The following MPP3 variants were observed in gnomAD, a reference collection of about 807,000 sequenced individuals.
MPP3 encodes MAGUK p55 subfamily member 3.
MPP3 carries 48 observed loss-of-function variants against 80.7 expected under a neutral mutation model. The observed-to-expected ratio is 0.59, with a 90% CI of 0.47 to 0.76. The LOEUF is 0.76. Ranked by LOEUF, MPP3 falls within the 30% of genes least tolerant of loss-of-function variation. The probability of loss-of-function intolerance (pLI) is 0.00; values close to 1 mark genes in which losing one functional copy is unlikely to be tolerated. For missense variants in MPP3, 620 were observed against 763.0 expected, an observed-to-expected ratio of 0.81 and a Z score of 2.21; for synonymous variants, 311 against 297.6, an observed-to-expected ratio of 1.04 and a Z score of -0.46.
rs1004613329 is a variant in MPP3 at position 43,832,203 on chromosome 17, G to A, written c.-37-260C>T. 8.1e-6 allele frequency: 4 copies of A among 492,826 alleles called. No homozygotes were observed. In the African/African-American group the frequency reaches 8.1e-5, roughly 10 times the overall value. The allele number at this position is 492,826 out of a possible 1,614,324, so 30.5% of individuals were successfully genotyped here. ...AAAGTCCTGAGAAATGACTGCGAAT[G>A]TTCCCATTTTATTGATGAAGAAACA... On this transcript the variant is annotated intron_variant, in intron 2 of 19. Coordinates refer to ENST00000398389, the MANE Select transcript of MPP3 (RefSeq NM_001932.6).
intron 19 of MPP3, among the ~76,000 whole-genome samples, chr17:43,806,272 T>C (rs1013493669): frequency 6.6e-6 from 1 of 152,150 alleles, no homozygotes; most frequent in Non-Finnish European, 1.5e-5. Flanking sequence ...TTCAAGTGAT[T>C]TTCCTGCCTC....
chr17:43,810,346 C>G (rs547499124), intron 18 of MPP3, among the ~76,000 whole-genome samples: 1 of 152,200 alleles, frequency 6.6e-6, no homozygotes, highest in Admixed American at 6.5e-5. Context: ...TGTCTCCCTC[C>G]CTCTTTTTCC....
intron 19 of MPP3, among the ~76,000 whole-genome samples, chr17:43,804,792 G>A (rs993419774): frequency 4.6e-5 from 7 of 152,322 alleles, no homozygotes; most frequent in Non-Finnish European, 7.4e-5. Flanking sequence ...CGAGGCAGGT[G>A]GATCACCCAG....
chr17:43,811,331 A>C, intron 16 of MPP3, 126 bp from the exon 17 acceptor site: 1 of 695,620 alleles, frequency 1.4e-6, no homozygotes. Flanking sequence ...CTTCCACCTC[A>C]TTGCATGTCC....
intron 13 of MPP3, among the ~76,000 whole-genome samples, 190 bp downstream of exon 13, chr17:43,816,487 G>A (rs1012769710): frequency 1.3e-5 from 2 of 152,226 alleles, no homozygotes; most frequent in African/African-American, 2.4e-5. Flanking sequence ...CTAAGGCCTT[G>A]AACCCTGTCC....
intron 13 of MPP3, 61 bp from the exon 14 acceptor site, chr17:43,816,140 C>T (rs961481231): frequency 7.0e-7 from 1 of 1,431,248 alleles, no homozygotes; most frequent in Non-Finnish European, 9.3e-7. Flanking sequence ...CGGCCCAGGG[C>T]ACCCAGCCCC....
At chr17:43,816,718 A>C in intron 12 of MPP3, 21 bp from the exon 13 acceptor site, 1 of 1,570,618 alleles carries the variant, frequency 6.4e-7, no homozygotes, top group Non-Finnish European at 8.6e-7. Flanking sequence ...CACAAAAGAC[A>C]GATGGAACAG....
In MPP3 at chr17:43,801,695, A is replaced by G. The variant is rs1368434857; in HGVS notation, c.*6T>C. The G allele has an allele frequency of 3.7e-6, 6 of 1,613,950 alleles. No individual in the cohort carries two copies. The highest frequency in any genetic ancestry group is 5.1e-6 in the Non-Finnish European group (6 of 1,179,898). On this transcript the variant is annotated 3_prime_UTR_variant, in exon 20 of 20. Coordinates refer to ENST00000398389, the MANE Select transcript of MPP3 (RefSeq NM_001932.6). The stretch of plus-strand genomic sequence containing the variant: ...TCCCGTCCAGCTTGGATGTTCTGGG[A>G]TAAAGTTACCTGACCCAACTAACAG...
At chr17:43,831,704 A>C (rs1053766347) in intron 3 of MPP3, 27 bp from the exon 4 acceptor site, 13 of 1,576,362 alleles carry the variant, frequency 8.2e-6, no homozygotes, top group Non-Finnish European at 8.7e-6. Context: ...AAAACAAAGG[A>C]TAGCAAACGC....
Position 43,801,607 on chromosome 17 carries a change from C to G in MPP3, c.*94G>C. The G allele has an allele frequency of 8.2e-7, 1 of 1,220,020 alleles. No homozygotes were observed. The highest frequency in any genetic ancestry group is 1.3e-5 in the South Asian group (1 of 76,138). The allele number at this position is 1,220,020 out of a possible 1,614,324, so 75.6% of individuals were successfully genotyped here. Reference sequence around the variant, plus strand: ...ATGGAATTTGTGGAGAATTCTCTCCCTCTCTGCGCTTGAGATTCCTTGATG... The same window carrying G: ...ATGGAATTTGTGGAGAATTCTCTCCGTCTCTGCGCTTGAGATTCCTTGATG... On this transcript the variant is annotated 3_prime_UTR_variant, in exon 20 of 20. Transcript: ENST00000398389.
In MPP3 at chr17:43,810,809, C is replaced by T. The variant is rs763347669; in HGVS notation, c.1456G>A (p.Glu486Lys). The T allele has an allele frequency of 6.2e-7, 1 of 1,602,806 alleles. No homozygotes were observed. Among genetic ancestry groups the T allele is most frequent in the Admixed American group, 1.8e-5 (1 of 57,016 alleles). The change falls in exon 18 of 20, where the codon GAA becomes AAA. Residue 486 changes from glutamate (E) to lysine (K), a missense_variant and splice_region_variant. Transcript: ENST00000398389. ...NKVCLVDVEP[E>K]ALKQLRTSEF... ...GGCCAGCAGGCCCAGCAACTCACTTCTGGCTCCACATCCACCAAACAAACT... is the reference window on the plus strand; with the variant it reads ...GGCCAGCAGGCCCAGCAACTCACTTTTGGCTCCACATCCACCAAACAAACT...
At chr17:43,826,875 G>A (rs2045726733) in intron 8 of MPP3, among the ~76,000 whole-genome samples, 5 of 142,346 alleles carry the variant, frequency 3.5e-5, no homozygotes, top group Middle Eastern at 3.6e-3. Flanking sequence ...TCACTGCGTC[G>A]CCCACTCTAG....
intron 19 of MPP3, among the ~76,000 whole-genome samples, chr17:43,805,821 G>A (rs1193648060): frequency 6.6e-6 from 1 of 152,194 alleles, no homozygotes; most frequent in Non-Finnish European, 1.5e-5. Context: ...ATTCTAATGG[G>A]CTCAAGGTTT....
Position 43,829,641 on chromosome 17 carries a change from C to T in MPP3, c.441+13G>A. 3 of 1,612,844 alleles carry T rather than the reference C, an allele frequency of 1.9e-6. No homozygotes were observed. The highest frequency in any genetic ancestry group is 3.3e-4 in the Middle Eastern group (2 of 6,058). The stretch of plus-strand genomic sequence containing the variant: ...GAAGAGTGGGTTAGAGAGGGGCAGG[C>T]AGCAGCACCTACCAGGGGTTCCTTG... On this transcript the variant is annotated intron_variant, in intron 7 of 19. Coordinates refer to ENST00000398389, the MANE Select transcript of MPP3 (RefSeq NM_001932.6).
At chr17:43,823,696 A>G (rs1432918410) in intron 10 of MPP3, among the ~76,000 whole-genome samples, 1 of 152,224 alleles carries the variant, frequency 6.6e-6, no homozygotes, top group Non-Finnish European at 1.5e-5. Context: ...AATTAAAATA[A>G]CCTTGTCTTT....
intron 19 of MPP3, among the ~76,000 whole-genome samples, chr17:43,804,623 G>A (rs2044540333): frequency 6.6e-6 from 1 of 152,046 alleles, no homozygotes; most frequent in South Asian, 2.1e-4. Flanking sequence ...TTATGGCCTT[G>A]GATTCGACAA....
intron 18 of MPP3, among the ~76,000 whole-genome samples, chr17:43,810,259 T>G (rs1288966783): frequency 6.6e-6 from 1 of 152,124 alleles, no homozygotes; most frequent in African/African-American, 2.4e-5. Flanking sequence ...GTTAAAAAGA[T>G]GGTTAAGCCC....
At position 43,800,882 on chromosome 17, in the gene MPP3, G is replaced by A. The variant is rs1755996167; in HGVS notation, c.*819C>T. ...CGTAGCCATAGTTTTGACAGGGAGAGTCATCTGGTTTCCCAAGATCTAGCA... is the reference window on the plus strand; with the variant it reads ...CGTAGCCATAGTTTTGACAGGGAGAATCATCTGGTTTCCCAAGATCTAGCA... On this transcript the variant is annotated 3_prime_UTR_variant, in exon 20 of 20. Transcript: ENST00000398389. 1 of 152,136 alleles carries A rather than the reference G, an allele frequency of 6.6e-6. No homozygotes were observed. Among genetic ancestry groups the A allele is most frequent in the Non-Finnish European group, 1.5e-5 (1 of 68,038 alleles). 9.4% of individuals were successfully genotyped at this position (152,136 alleles called of 1,614,324 possible).
In MPP3 at chr17:43,827,748, C is replaced by T; in HGVS notation, c.523+3G>A. ...GGGCCAGCTTTGCACTGCCGCCACT[C>T]ACCGCTCCTGTCTGCTGCGCCTCCT... On this transcript the variant is annotated splice_donor_region_variant and intron_variant, in intron 8 of 19. Transcript: ENST00000398389. The T allele has an allele frequency of 6.2e-7, 1 of 1,610,572 alleles. No individual in the cohort carries two copies. Among genetic ancestry groups the T allele is most frequent in the Non-Finnish European group, 8.5e-7 (1 of 1,179,972 alleles).
Sources: gnomAD v4.1 joint callset for allele counts (sites outside exome capture counted in the v4.1 genomes callset) on GRCh38, gnomAD v4.1.1 for gene constraint, MANE v1.5 for transcripts, NCBI Gene and HGNC (gene_info 2026-07-23, HGNC 2026-07-21) for gene names.